Variants in INPP4B observed in about 807,000 individuals in gnomAD.
INPP4B encodes the protein inositol polyphosphate 4-phosphatase type II.
INPP4B carries 55 observed loss-of-function variants against 122.5 expected under a neutral mutation model. The ratio of observed to expected loss-of-function variants is 0.45; its 90% confidence interval spans 0.36 to 0.56. The LOEUF is 0.56. INPP4B is among the 20% of genes least tolerant of loss of function. INPP4B has a pLI of 0.00. For synonymous variants in INPP4B, 403 were observed against 388.7 expected (o/e 1.04, Z -0.43); for missense variants, 1,000 against 1,097.7 (o/e 0.91, Z 1.26).
chr4:142,124,826 C>G, intron 18 of INPP4B, 66 bp from the exon 19 acceptor site: 7 of 1,152,738 alleles, frequency 6.1e-6, no homozygotes, highest in Non-Finnish European at 8.1e-6. Context: ...AATGCAGAAC[C>G]AACTTCCAAC....
chr4:142,666,504 T>C (rs982628883), intron 2 of INPP4B, among the ~76,000 whole-genome samples: 1 of 152,062 alleles, frequency 6.6e-6, no homozygotes, highest in Non-Finnish European at 1.5e-5. Flanking sequence ...AAAATCAGAT[T>C]TTTTCTTAAT....
At chr4:142,621,481 T>C (rs958991302) in intron 2 of INPP4B, among the ~76,000 whole-genome samples, 2 of 151,866 alleles carry the variant, frequency 1.3e-5, no homozygotes, top group Non-Finnish European at 2.9e-5. Flanking sequence ...GGAAAAGAAA[T>C]ATTTTTGGAT....
chr4:142,796,867 G>GGT lies in INPP4B; in HGVS notation c.-254+49341_-254+49342insAC, dbSNP rs1561079297. On this transcript the variant is annotated intron_variant, in intron 1 of 25. Transcript: ENST00000262992. Reference sequence around the variant, plus strand: ...TTCACAGAAACTGATGCGGAAAACAGATGTGTGTGTGTGTGTGTGTGTGTG... The same window carrying GGT: ...TTCACAGAAACTGATGCGGAAAACAGGTATGTGTGTGTGTGTGTGTGTGTGTG... 3.1e-3 allele frequency among the ~76,000 whole-genome samples: 399 copies of GGT among 128,848 alleles called. 5 individuals are homozygous for GGT. Among genetic ancestry groups the GGT allele is most frequent in the South Asian group, 6.4e-3 (26 of 4,080 alleles). 84.5% of individuals were successfully genotyped at this position (128,848 alleles called of 152,430 possible).
chr4:142,305,601 C>A (rs985709815), intron 8 of INPP4B, 64 bp from the exon 9 acceptor site: 55 of 1,544,658 alleles, frequency 3.6e-5, no homozygotes, highest in Middle Eastern at 1.7e-4. Flanking sequence ...GCTGTCACAT[C>A]AATCAAACAA....
intron 1 of INPP4B, among the ~76,000 whole-genome samples, chr4:142,733,395 C>T (rs992195005): frequency 4.6e-5 from 7 of 152,052 alleles, no homozygotes; most frequent in Non-Finnish European, 8.8e-5. Context: ...ACCTGCAATA[C>T]TCAGAATATA....
At chr4:142,042,532 A>ATGTG (rs1275007317) in intron 25 of INPP4B, among the ~76,000 whole-genome samples, 1 of 21,522 alleles carries the variant, frequency 4.6e-5, no homozygotes, top group African/African-American at 7.6e-5. Context: ...GTATGTATGT[A>ATGTG]TGTATGTATG....
chr4:142,539,317 GCTAGGAAGAA>G (rs1436607662), intron 2 of INPP4B, among the ~76,000 whole-genome samples: 1 of 152,028 alleles, frequency 6.6e-6, no homozygotes, highest in East Asian at 1.9e-4. Context: ...GAGGAATTTT[GCTAGGAAGAA>G]CTATTCATCA....
At chr4:142,168,813 C>T (rs1201798361) in intron 16 of INPP4B, among the ~76,000 whole-genome samples, 1 of 151,560 alleles carries the variant, frequency 6.6e-6, no homozygotes, top group Non-Finnish European at 1.5e-5. Flanking sequence ...GCTCCTTCCT[C>T]TCTGGTACTC....
At chr4:142,135,367 T>C (rs1377708893) in intron 18 of INPP4B, among the ~76,000 whole-genome samples, 6 of 152,212 alleles carry the variant, frequency 3.9e-5, no homozygotes, top group Non-Finnish European at 5.9e-5. Context: ...TTATATGGCC[T>C]ACAAATTTTA....
intron 1 of INPP4B, among the ~76,000 whole-genome samples, chr4:142,839,499 G>A (rs927481174): frequency 6.6e-6 from 1 of 152,044 alleles, no homozygotes; most frequent in Non-Finnish European, 1.5e-5. Context: ...CATGTAACAA[G>A]TTCAAGTACT....
chr4:142,696,206 ATTTCCTCTGTGCCC>A (rs1156449905), intron 2 of INPP4B, among the ~76,000 whole-genome samples: 2 of 152,214 alleles, frequency 1.3e-5, no homozygotes, highest in East Asian at 3.9e-4. Context: ...AAAACAGATC[ATTTCCTCTGTGCCC>A]TTTTCCATGT....
At chr4:142,287,758 C>G (rs1754455124) in intron 9 of INPP4B, 1 of 152,188 alleles carries the variant, frequency 6.6e-6, no homozygotes, top group Admixed American at 6.5e-5. Context: ...CCTTAAAGCT[C>G]TATTCCACAA....
At chr4:142,638,604 C>T (rs1238798272) in intron 2 of INPP4B, among the ~76,000 whole-genome samples, 1 of 146,366 alleles carries the variant, frequency 6.8e-6, no homozygotes, top group Non-Finnish European at 1.5e-5. Flanking sequence ...AGTGCAGTGG[C>T]ATGATCTTGG....
intron 21 of INPP4B, among the ~76,000 whole-genome samples, chr4:142,116,405 G>C (rs1362671364): frequency 6.6e-6 from 1 of 152,058 alleles, no homozygotes; most frequent in East Asian, 1.9e-4. Flanking sequence ...TGACCACATA[G>C]TTGGAGGTAA....
intron 1 of INPP4B, among the ~76,000 whole-genome samples, chr4:142,790,333 T>A (rs1305947953): frequency 6.6e-6 from 1 of 151,894 alleles, no homozygotes; most frequent in Non-Finnish European, 1.5e-5. Flanking sequence ...AGGACTGATA[T>A]CCAAAATCTA....
At chr4:142,031,630 A>G (rs1371996086) in intron 25 of INPP4B, among the ~76,000 whole-genome samples, 1 of 152,144 alleles carries the variant, frequency 6.6e-6, no homozygotes, top group African/African-American at 2.4e-5. Flanking sequence ...ATTTATTCCT[A>G]TTGTCAATTG....
intron 25 of INPP4B, 108 bp from the exon 26 acceptor site, chr4:142,029,022 T>TTCAACTCTACATTTTTTTTTTCCAC: frequency 6.9e-6 from 10 of 1,452,016 alleles, no homozygotes; most frequent in Non-Finnish European, 9.0e-6. Context: ...ATAACAAAGA[T>TTCAACTCTACATTTTTTTTTTCCAC]TCAACTCTAC....
At position 142,524,389 on chromosome 4, in the gene INPP4B, G is replaced by T. The variant is rs555836344; in HGVS notation, c.-190-61663C>A. 2.4e-4 allele frequency among the ~76,000 whole-genome samples: 36 copies of T among 151,954 alleles called. No homozygotes were observed. The South Asian group carries it at 5.6e-3, about 24-fold the overall frequency. ...TGGTATCTCACTGTGGTTTTGATTT[G>T]CATTTCTCTGATGGCCAGTGATGAT... is the stretch of plus-strand genomic sequence containing the variant. On this transcript the variant is annotated intron_variant, in intron 2 of 25. Transcript: ENST00000262992.
chr4:142,658,336 T>G (rs1754530488), intron 2 of INPP4B, among the ~76,000 whole-genome samples: 1 of 152,244 alleles, frequency 6.6e-6, no homozygotes, highest in African/African-American at 2.4e-5. Context: ...CATGAAGAGC[T>G]GAAATGTTCA....
Sources: gnomAD v4.1 joint callset for allele counts (sites outside exome capture counted in the v4.1 genomes callset) on GRCh38, gnomAD v4.1.1 for gene constraint, MANE v1.5 for transcripts, NCBI Gene and HGNC (gene_info 2026-07-23, HGNC 2026-07-21) for gene names.